Variants in PLCL1 observed in about 807,000 individuals in gnomAD.
PLCL1 encodes the protein phospholipase C like 1 (inactive), also known as inactive phospholipase C-like protein 1.
PLCL1 carries 41 observed loss-of-function variants against 84.4 expected under a neutral mutation model. The ratio of observed to expected loss-of-function variants is 0.49; its 90% CI spans 0.38 to 0.63. PLCL1 has a LOEUF of 0.63. Among genes scored for constraint, PLCL1 ranks in the 30% least tolerant of loss-of-function variants. The probability of loss-of-function intolerance (pLI) is 0.00; values close to 1 mark genes in which losing one functional copy is unlikely to be tolerated. For synonymous variants in PLCL1, 490 were observed against 488.3 expected (o/e 1.00, Z -0.05); for missense variants, 1,206 against 1,367.8 (o/e 0.88, Z 1.87).
chr2:198,142,546 T>G (rs779998648), intron 5 of PLCL1, among the ~76,000 whole-genome samples: 6 of 152,196 alleles, frequency 3.9e-5, no homozygotes, highest in Non-Finnish European at 7.4e-5. Context: ...TTTTAAATAT[T>G]CACTAATTAT....
At chr2:197,925,404 TTTC>T (rs1218247521) in intron 1 of PLCL1, among the ~76,000 whole-genome samples, 1 of 152,128 alleles carries the variant, frequency 6.6e-6, no homozygotes, top group Non-Finnish European at 1.5e-5. Context: ...TGAGAAGAAA[TTTC>T]TTCCCAAGTG....
intron 1 of PLCL1, among the ~76,000 whole-genome samples, chr2:198,004,899 G>A (rs1690692033): frequency 6.6e-6 from 1 of 152,124 alleles, no homozygotes; most frequent in African/African-American, 2.4e-5. Context: ...TTCAATTTTA[G>A]GTTCTTAAAA....
At chr2:197,887,767 T>G (rs1462301293) in intron 1 of PLCL1, among the ~76,000 whole-genome samples, 1 of 152,136 alleles carries the variant, frequency 6.6e-6, no homozygotes, top group Non-Finnish European at 1.5e-5. Context: ...TGTCTATTAT[T>G]TCATACTCTA....
At chr2:198,017,803 G>C (rs1691033661) in intron 1 of PLCL1, among the ~76,000 whole-genome samples, 1 of 152,002 alleles carries the variant, frequency 6.6e-6, no homozygotes, top group African/African-American at 2.4e-5. Context: ...GTATTCCCTG[G>C]GCAACACTGG....
intron 5 of PLCL1, among the ~76,000 whole-genome samples, chr2:198,130,973 T>C (rs1453114920): frequency 6.6e-6 from 1 of 152,160 alleles, no homozygotes. Flanking sequence ...CCACAGCTCC[T>C]TCTTAACTTC....
intron 1 of PLCL1, among the ~76,000 whole-genome samples, chr2:198,009,805 C>A (rs1260982310): frequency 6.6e-6 from 1 of 152,000 alleles, no homozygotes; most frequent in African/African-American, 2.4e-5. Context: ...GTCTTTCAAC[C>A]CATGAGCATG....
rs79183870 is a variant in PLCL1, at chr2:197,962,014, A to G, written c.241-121744A>G. Among the ~76,000 whole-genome samples, 795 of 152,198 alleles carry G rather than the reference A, an allele frequency of 5.2e-3. 14 individuals carry two copies. The highest frequency in any genetic ancestry group is 0.035 in the Admixed American group (528 of 15,266). On this transcript the variant is annotated intron_variant, in intron 1 of 5. Transcript: ENST00000428675. ...TGATCAAGCTATCCTTGGAATGTATATGGCATAGTATACAGTAAAGTTGTT... is the reference window on the plus strand; with the variant it reads ...TGATCAAGCTATCCTTGGAATGTATGTGGCATAGTATACAGTAAAGTTGTT...
intron 1 of PLCL1, among the ~76,000 whole-genome samples, chr2:197,864,461 G>A (rs1687491645): frequency 6.7e-6 from 1 of 148,596 alleles, no homozygotes; most frequent in South Asian, 2.1e-4. Flanking sequence ...TTAATAATGT[G>A]AATGCATATT....
At chr2:198,048,623 G>A (rs1015997875) in intron 1 of PLCL1, among the ~76,000 whole-genome samples, 44 of 152,222 alleles carry the variant, frequency 2.9e-4, no homozygotes, top group African/African-American at 1.1e-3. Flanking sequence ...GAGAGAGAGT[G>A]GGGAGGTCCC....
At chr2:198,012,826 G>C (rs887935367) in intron 1 of PLCL1, among the ~76,000 whole-genome samples, 37 of 151,888 alleles carry the variant, frequency 2.4e-4, no homozygotes, top group African/African-American at 7.7e-4. Context: ...AAGAGGTTTA[G>C]TGTTCTGATG....
chr2:197,897,546 TA>T (rs1688177454), intron 1 of PLCL1, among the ~76,000 whole-genome samples: 1 of 152,114 alleles, frequency 6.6e-6, no homozygotes. Flanking sequence ...GTACCTAACT[TA>T]TTTTTTTAAT....
chr2:197,890,021 C>T (rs1036106081), intron 1 of PLCL1, among the ~76,000 whole-genome samples: 11 of 152,124 alleles, frequency 7.2e-5, no homozygotes, highest in South Asian at 2.1e-4. Context: ...AGCTTGCATA[C>T]GCAGCTTTGG....
intron 1 of PLCL1, among the ~76,000 whole-genome samples, chr2:198,060,166 C>T (rs1692157941): frequency 6.6e-6 from 1 of 152,142 alleles, no homozygotes; most frequent in African/African-American, 2.4e-5. Flanking sequence ...TCAGAAACGA[C>T]CATTCACTTA....
At chr2:197,845,379 G>C (rs1264900658) in intron 1 of PLCL1, among the ~76,000 whole-genome samples, 1 of 152,080 alleles carries the variant, frequency 6.6e-6, no homozygotes, top group Non-Finnish European at 1.5e-5. Context: ...TAGGACATTT[G>C]AGTTAGACTT....
chr2:197,876,232 C>T (rs1412910668), intron 1 of PLCL1, among the ~76,000 whole-genome samples: 2 of 152,026 alleles, frequency 1.3e-5, no homozygotes, highest in South Asian at 2.1e-4. Context: ...ATAACACAAA[C>T]GTGATAAGTG....
intron 1 of PLCL1, among the ~76,000 whole-genome samples, chr2:198,015,589 A>G (rs1294939879): frequency 6.6e-6 from 1 of 152,222 alleles, no homozygotes; most frequent in Non-Finnish European, 1.5e-5. Context: ...CATTCAACAG[A>G]TACTTATTAA....
At chr2:197,836,072 T>A (rs1443671258) in intron 1 of PLCL1, among the ~76,000 whole-genome samples, 7 of 152,334 alleles carry the variant, frequency 4.6e-5, no homozygotes, top group African/African-American at 1.4e-4. Context: ...GAAATAAATT[T>A]TTTTGGCTGT....
At chr2:197,915,370 A>G (rs1574946585) in intron 1 of PLCL1, among the ~76,000 whole-genome samples, 3 of 152,248 alleles carry the variant, frequency 2.0e-5, no homozygotes, top group Admixed American at 2.0e-4. Context: ...TTTCCTACCC[A>G]TATTTAAATG....
chr2:198,077,911 A>G (rs1692620179), intron 1 of PLCL1, among the ~76,000 whole-genome samples: 1 of 152,126 alleles, frequency 6.6e-6, no homozygotes, highest in African/African-American at 2.4e-5. Context: ...GTTTTACCTC[A>G]TGTTTCTTGA....
Sources: gnomAD v4.1 joint callset for allele counts (sites outside exome capture counted in the v4.1 genomes callset) on GRCh38, gnomAD v4.1.1 for gene constraint, MANE v1.5 for transcripts, NCBI Gene and HGNC (gene_info 2026-07-23, HGNC 2026-07-21) for gene names.